DYM: variants seen among roughly 807,000 people sequenced by gnomAD.
The protein encoded by DYM is dymeclin, also known as dyggve-Melchior-Clausen syndrome protein.
Under a neutral mutation model 93.1 loss-of-function variants are expected in DYM, and 78 were observed. That is an observed-to-expected ratio of 0.84 (90% CI 0.70 to 1.01). DYM has a LOEUF of 1.01. Ranked by LOEUF, DYM falls within the 50% of genes least tolerant of loss-of-function variation. The pLI, the probability that DYM is intolerant of heterozygous loss-of-function variation, is 0.00. For missense variants in DYM, 789 were observed against 845.0 expected (o/e 0.93, Z 0.82); for synonymous variants, 321 against 319.7 (o/e 1.00, Z -0.04).
chr18:49,335,084 G>T (rs1283619109), intron 6 of DYM, among the ~76,000 whole-genome samples: 1 of 152,114 alleles, frequency 6.6e-6, no homozygotes, highest in African/African-American at 2.4e-5. Flanking sequence ...TCCAGCCTTG[G>T]CGATAAGAGC....
intron 2 of DYM, among the ~76,000 whole-genome samples, chr18:49,425,663 T>C (rs1183888318): frequency 2.6e-5 from 4 of 152,062 alleles, no homozygotes; most frequent in African/African-American, 4.8e-5. Context: ...AGGGCTAATA[T>C]CCACAATCTA....
chr18:49,252,259 G>C (rs2094307412), intron 13 of DYM, among the ~76,000 whole-genome samples: 2 of 109,336 alleles, frequency 1.8e-5, no homozygotes, highest in South Asian at 3.1e-4. Flanking sequence ...CCTGAGACTG[G>C]GTAATTTATA....
At chr18:49,274,496 G>C (rs1280538710) in intron 10 of DYM, among the ~76,000 whole-genome samples, 1 of 151,970 alleles carries the variant, frequency 6.6e-6, no homozygotes, top group African/African-American at 2.4e-5. Flanking sequence ...CATTTCTCTT[G>C]GGTATATATC....
At position 49,457,323 on chromosome 18, in the gene DYM, A is replaced by G. The variant is rs202036958; in HGVS notation, c.-54+3075T>C. 3.2e-4 allele frequency among the ~76,000 whole-genome samples: 48 copies of G among 152,312 alleles called. No homozygotes were observed. The East Asian group carries it at 8.7e-3, about 28-fold the overall frequency. ...GCCCCCAGCGTGTCCTGTGTCAAGT[A>G]TCAGGTTAGCCCTCTGATTACACAT... On this transcript the variant is annotated intron_variant, in intron 1 of 17. Coordinates refer to ENST00000675505, the MANE Select transcript of DYM (RefSeq NM_001353214.3).
chr18:49,270,805 A>G (rs924505560), intron 11 of DYM, among the ~76,000 whole-genome samples: 4 of 152,212 alleles, frequency 2.6e-5, no homozygotes, highest in African/African-American at 9.6e-5. Context: ...CAAAAACATG[A>G]CTTAAGGGAA....
At chr18:49,302,428 C>A (rs1033767524) in intron 8 of DYM, among the ~76,000 whole-genome samples, 2 of 152,158 alleles carry the variant, frequency 1.3e-5, no homozygotes, top group African/African-American at 2.4e-5. Flanking sequence ...AAAAATTTTA[C>A]TTAATTTTAT....
At chr18:49,341,808 T>C (rs2064179049) in intron 6 of DYM, among the ~76,000 whole-genome samples, 1 of 152,116 alleles carries the variant, frequency 6.6e-6, no homozygotes, top group African/African-American at 2.4e-5. Context: ...TCCCAGAAAA[T>C]AGTAGGTATT....
At chr18:49,259,917 A>G (rs1172523300) in intron 11 of DYM, among the ~76,000 whole-genome samples, 1 of 152,220 alleles carries the variant, frequency 6.6e-6, no homozygotes, top group East Asian at 1.9e-4. Flanking sequence ...AATAAATAAT[A>G]AACTGTGAAA....
In DYM at chr18:49,040,531, G is replaced by A. The variant is rs989641994; in HGVS notation, c.*3524C>T. Reference sequence around the variant, plus strand: ...GTTCTTCATATGCATAGCTAGCTTAGCTCTTCATCACTGAATAGAAACTGA... The same window carrying A: ...GTTCTTCATATGCATAGCTAGCTTAACTCTTCATCACTGAATAGAAACTGA... On this transcript the variant is annotated 3_prime_UTR_variant, in exon 18 of 18. Transcript: ENST00000675505. Among the ~76,000 whole-genome samples, 1 of 152,222 alleles carries A rather than the reference G, an allele frequency of 6.6e-6. No individual in the cohort carries two copies. The highest frequency in any genetic ancestry group is 2.4e-5 in the African/African-American group (1 of 41,454).
At chr18:49,218,482 C>A (rs1696558921) in intron 13 of DYM, among the ~76,000 whole-genome samples, 1 of 152,108 alleles carries the variant, frequency 6.6e-6, no homozygotes, top group South Asian at 2.1e-4. Context: ...ACACCTATTC[C>A]AAAATTGACC....
chr18:49,238,244 G>C lies in DYM; in HGVS notation c.1460+18766C>G, dbSNP rs139293426. ...TAGCATGTCAGTGAAGTTTTAAACT[G>C]CAATTTTCTTATTAGACTTAAACTG... is the stretch of plus-strand genomic sequence containing the variant. On this transcript the variant is annotated intron_variant, in intron 13 of 17. Transcript: ENST00000675505. 2.5e-3 allele frequency among the ~76,000 whole-genome samples: 381 copies of C among 152,112 alleles called. 2 individuals carry two copies. The highest frequency in any genetic ancestry group is 8.6e-3 in the African/African-American group (358 of 41,470).
intron 8 of DYM, among the ~76,000 whole-genome samples, chr18:49,302,471 A>G (rs537197046): frequency 1.3e-5 from 2 of 152,392 alleles, no homozygotes; most frequent in East Asian, 3.9e-4. Flanking sequence ...AGATGTCATA[A>G]TTAATATAAC....
Position 49,043,963 on chromosome 18 carries a change from A to G in DYM, c.*92T>C. On this transcript the variant is annotated 3_prime_UTR_variant, in exon 18 of 18. Coordinates refer to ENST00000675505, the MANE Select transcript of DYM (RefSeq NM_001353214.3). ...ATCCTCTTTAACAGAAGATACACCA[A>G]GTAACCTGTCTGTCTACTTCTGTTA... 1 of 1,460,096 alleles carries G rather than the reference A, an allele frequency of 6.8e-7. No homozygotes were observed. Among genetic ancestry groups the G allele is most frequent in the Middle Eastern group, 2.5e-4 (1 of 4,052 alleles). 90.4% of individuals were successfully genotyped at this position (1,460,096 alleles called of 1,614,324 possible).
intron 2 of DYM, among the ~76,000 whole-genome samples, chr18:49,425,430 C>T (rs975874163): frequency 1.3e-5 from 2 of 152,132 alleles, no homozygotes; most frequent in Non-Finnish European, 2.9e-5. Context: ...AGACCTAAAA[C>T]GATAAAAACC....
intron 13 of DYM, among the ~76,000 whole-genome samples, chr18:49,213,517 T>C (rs2092889341): frequency 6.6e-6 from 1 of 152,168 alleles, no homozygotes; most frequent in Non-Finnish European, 1.5e-5. Flanking sequence ...GGTTTCCCCA[T>C]ATTGGTCAAG....
At chr18:49,229,908 G>A (rs1043489071) in intron 13 of DYM, among the ~76,000 whole-genome samples, 1 of 152,102 alleles carries the variant, frequency 6.6e-6, no homozygotes, top group African/African-American at 2.4e-5. Flanking sequence ...GGTATCCATA[G>A]AATAAAATAC....
chr18:49,410,481 C>T (rs1449363730), intron 2 of DYM, among the ~76,000 whole-genome samples: 2 of 151,262 alleles, frequency 1.3e-5, no homozygotes, highest in Admixed American at 6.6e-5. Flanking sequence ...AGAAGAAAAG[C>T]TTACCAATTG....
At chr18:49,150,255 G>A (rs917793277) in intron 15 of DYM, among the ~76,000 whole-genome samples, 2 of 152,174 alleles carry the variant, frequency 1.3e-5, no homozygotes, top group African/African-American at 4.8e-5. Context: ...TAAAGGCTCA[G>A]TACTGTTTAG....
At chr18:49,146,314 T>G (rs1410708036) in intron 15 of DYM, among the ~76,000 whole-genome samples, 2 of 152,194 alleles carry the variant, frequency 1.3e-5, no homozygotes, top group African/African-American at 4.8e-5. Context: ...TCACCACTCC[T>G]ATTCAACACA....
Sources: allele counts gnomAD v4.1 joint callset (sites outside exome capture counted in the v4.1 genomes callset), GRCh38; gene constraint gnomAD v4.1.1; transcripts MANE v1.5; gene names NCBI Gene and HGNC (gene_info 2026-07-23, HGNC 2026-07-21).